Variants in RAB3C observed in about 807,000 individuals in gnomAD.
RAB3C encodes RAB3C, member RAS oncogene family, also known as ras-related protein Rab-3C.
RAB3C carries 17 observed loss-of-function variants against 26.4 expected under a neutral mutation model. The ratio of observed to expected loss-of-function variants is 0.64; its 90% CI spans 0.44 to 0.97. RAB3C has a LOEUF of 0.97. Among genes scored for constraint, RAB3C ranks in the 50% least tolerant of loss-of-function variants. The probability of loss-of-function intolerance (pLI) is 0.00; values close to 1 mark genes in which losing one functional copy is unlikely to be tolerated. For missense variants in RAB3C, 242 were observed against 281.9 expected, an observed-to-expected ratio of 0.86 and a Z score of 1.01; for synonymous variants, 91 against 95.9, an observed-to-expected ratio of 0.95 and a Z score of 0.30.
chr5:58,828,901 C>CTTTT lies in RAB3C; in HGVS notation c.496+3757_496+3760dup, dbSNP rs762653092. 9.8e-5 allele frequency among the ~76,000 whole-genome samples: 12 copies of CTTTT among 122,414 alleles called. 1 individual carries two copies. The highest frequency in any genetic ancestry group is 1.2e-4 in the Non-Finnish European group (7 of 57,814). 80.3% of individuals were successfully genotyped at this position (122,414 alleles called of 152,430 possible). On this transcript the variant is annotated intron_variant, in intron 4 of 4. Coordinates refer to ENST00000282878, the MANE Select transcript of RAB3C (RefSeq NM_138453.4). ...CTATAGCTGGTGTTATTTTACCATG[C>CTTTT]TTTTTTTTTTTTTTTTTTTTTGGAT...
intron 3 of RAB3C, among the ~76,000 whole-genome samples, chr5:58,743,593 G>A (rs1741327689): frequency 6.6e-6 from 1 of 152,206 alleles, no homozygotes; most frequent in African/African-American, 2.4e-5. Flanking sequence ...GCCCCAGTGT[G>A]TGATGTTCCC....
chr5:58,623,645 A>T (rs773235512), intron 2 of RAB3C, among the ~76,000 whole-genome samples: 1 of 152,252 alleles, frequency 6.6e-6, no homozygotes, highest in African/African-American at 2.4e-5. Flanking sequence ...GAGCTCCTAC[A>T]TCCCACTGTG....
chr5:58,636,638 C>T (rs762196060), intron 2 of RAB3C, among the ~76,000 whole-genome samples: 3 of 152,124 alleles, frequency 2.0e-5, no homozygotes, highest in Admixed American at 6.5e-5. Flanking sequence ...TTGCCAGCCT[C>T]CTCTAATTAG....
intron 3 of RAB3C, among the ~76,000 whole-genome samples, chr5:58,816,394 C>T (rs1298163118): frequency 2.0e-5 from 3 of 152,180 alleles, no homozygotes; most frequent in African/African-American, 7.2e-5. Context: ...GGTATCTATA[C>T]TCCAACTTCT....
Position 58,726,140 on chromosome 5 carries a change from C to A in RAB3C, c.371+20C>A. The A allele has an allele frequency of 8.3e-7, 1 of 1,209,762 alleles. No individual in the cohort carries two copies. Among genetic ancestry groups the A allele is most frequent in the Non-Finnish European group, 1.2e-6 (1 of 831,122 alleles). The allele number at this position is 1,209,762 out of a possible 1,614,324, so 74.9% of individuals were successfully genotyped here. A position where few individuals can be genotyped will look rare whatever the true frequency, so the allele number is the denominator to read the frequency against. ...AGATTGGTAAGTCAGAGCAAATACT[C>A]TTATTACTGATAATGATGGTTCTCC... On this transcript the variant is annotated intron_variant, in intron 3 of 4. Coordinates refer to ENST00000282878, the MANE Select transcript of RAB3C (RefSeq NM_138453.4).
chr5:58,830,737 C>T (rs1743594165), intron 4 of RAB3C, among the ~76,000 whole-genome samples: 1 of 152,140 alleles, frequency 6.6e-6, no homozygotes, highest in South Asian at 2.1e-4. Flanking sequence ...GATCCATGTG[C>T]TCTGGCCATA....
chr5:58,696,998 C>A (rs112885455), intron 2 of RAB3C, among the ~76,000 whole-genome samples: 22 of 152,200 alleles, frequency 1.4e-4, no homozygotes, highest in African/African-American at 5.3e-4. Flanking sequence ...TTCTCTAGTT[C>A]TTTTAATTGT....
chr5:58,790,376 G>A (rs1482843376), intron 3 of RAB3C, among the ~76,000 whole-genome samples: 2 of 152,140 alleles, frequency 1.3e-5, no homozygotes, highest in Non-Finnish European at 2.9e-5. Context: ...ACCCTGATTA[G>A]TTTTAGAAAT....
chr5:58,715,040 T>G (rs1309589992), intron 2 of RAB3C, among the ~76,000 whole-genome samples: 2 of 151,968 alleles, frequency 1.3e-5, no homozygotes, highest in African/African-American at 4.8e-5. Context: ...AGTTTCTCAT[T>G]TATAAATGAG....
chr5:58,668,434 T>C (rs1288920983), intron 2 of RAB3C, among the ~76,000 whole-genome samples: 2 of 152,142 alleles, frequency 1.3e-5, no homozygotes, highest in Non-Finnish European at 2.9e-5. Context: ...TTCTAGTCAA[T>C]TATCCTCAAA....
chr5:58,797,368 A>ATTATATATATAT (rs1464292932), intron 3 of RAB3C, among the ~76,000 whole-genome samples: 1 of 22,810 alleles, frequency 4.4e-5, no homozygotes, highest in African/African-American at 1.5e-4. Flanking sequence ...GTATATATAT[A>ATTATATATATAT]ATATATATAT....
chr5:58,670,151 A>G (rs1208643198), intron 2 of RAB3C, among the ~76,000 whole-genome samples: 2 of 152,110 alleles, frequency 1.3e-5, no homozygotes, highest in Admixed American at 1.3e-4. Context: ...TCTCTCTCCC[A>G]CCAACACTAC....
intron 3 of RAB3C, among the ~76,000 whole-genome samples, chr5:58,807,672 G>A (rs937983780): frequency 6.6e-6 from 1 of 151,934 alleles, no homozygotes; most frequent in African/African-American, 2.4e-5. Flanking sequence ...AATGGTGGGG[G>A]GGCAAAACAT....
chr5:58,639,276 G>A (rs988847533), intron 2 of RAB3C, among the ~76,000 whole-genome samples: 7 of 152,076 alleles, frequency 4.6e-5, no homozygotes, highest in African/African-American at 1.7e-4. Flanking sequence ...ACATTATGAA[G>A]GTATGCATGA....
At chr5:58,823,137 A>G (rs1229621657) in intron 3 of RAB3C, 1 of 398,400 alleles carries the variant, frequency 2.5e-6, no homozygotes, top group African/African-American at 2.1e-5. Context: ...TACATGCATT[A>G]CCTAATGGAA....
chr5:58,803,959 C>T (rs973539457), intron 3 of RAB3C, among the ~76,000 whole-genome samples: 1 of 151,794 alleles, frequency 6.6e-6, no homozygotes, highest in East Asian at 1.9e-4. Flanking sequence ...ACTCGGGAGG[C>T]TGAGGCAGGA....
intron 3 of RAB3C, among the ~76,000 whole-genome samples, chr5:58,734,230 C>T (rs1268765276): frequency 6.6e-6 from 1 of 151,970 alleles, no homozygotes; most frequent in African/African-American, 2.4e-5. Flanking sequence ...TTTCTTTCCC[C>T]TCCAAAACTA....
At chr5:58,759,385 A>C (rs1209738373) in intron 3 of RAB3C, among the ~76,000 whole-genome samples, 2 of 152,190 alleles carry the variant, frequency 1.3e-5, no homozygotes, top group African/African-American at 4.8e-5. Context: ...GCAACGTCAC[A>C]AGGAAGTTAG....
chr5:58,839,907 G>A (rs1158214342), intron 4 of RAB3C, among the ~76,000 whole-genome samples: 13 of 151,018 alleles, frequency 8.6e-5, no homozygotes, highest in Non-Finnish European at 1.5e-4. Flanking sequence ...TTTGTGGTTG[G>A]GAGGTTTTTT....
Sources: allele counts gnomAD v4.1 joint callset (sites outside exome capture counted in the v4.1 genomes callset), GRCh38; gene constraint gnomAD v4.1.1; transcripts MANE v1.5; gene names NCBI Gene and HGNC (gene_info 2026-07-23, HGNC 2026-07-21).